CNTNAP2: variants seen among roughly 807,000 people sequenced by gnomAD.
The protein encoded by CNTNAP2 is contactin-associated protein-like 2.
Under a neutral mutation model 155.2 loss-of-function variants are expected in CNTNAP2, and 98 were observed. The observed-to-expected ratio is 0.63, with a 90% confidence interval of 0.54 to 0.75. The LOEUF is 0.75. Ranked by LOEUF, CNTNAP2 falls within the 30% of genes least tolerant of loss-of-function variation. The pLI is 0.00. For missense variants in CNTNAP2, 1,727 were observed against 1,688.1 expected (o/e 1.02, Z -0.40); for synonymous variants, 651 against 631.2 (o/e 1.03, Z -0.47).
At chr7:147,422,460 C>T (rs1797311335) in intron 10 of CNTNAP2, among the ~76,000 whole-genome samples, 1 of 151,276 alleles carries the variant, frequency 6.6e-6, no homozygotes, top group Non-Finnish European at 1.5e-5. Flanking sequence ...ATTTAAATTC[C>T]CTTATGCAAT....
chr7:147,678,079 C>G (rs149761871), intron 13 of CNTNAP2, among the ~76,000 whole-genome samples: 2,488 of 151,834 alleles, frequency 0.016, 219 homozygotes, highest in Admixed American at 0.15. Context: ...AATTGATAAC[C>G]TAAACTTGAT....
At chr7:147,070,911 T>A (rs985676736) in intron 4 of CNTNAP2, among the ~76,000 whole-genome samples, 2 of 152,140 alleles carry the variant, frequency 1.3e-5, no homozygotes, top group African/African-American at 4.8e-5. Context: ...AAAAGAAGCA[T>A]AATTAAAGGA....
chr7:146,793,100 T>G (rs1229087736), intron 2 of CNTNAP2, among the ~76,000 whole-genome samples: 1 of 152,202 alleles, frequency 6.6e-6, no homozygotes, highest in Non-Finnish European at 1.5e-5. Context: ...TTTGCTACTT[T>G]ACATTTTTCA....
intron 12 of CNTNAP2, among the ~76,000 whole-genome samples, chr7:147,563,352 C>T (rs920798463): frequency 1.3e-5 from 2 of 151,812 alleles, no homozygotes; most frequent in South Asian, 4.2e-4. Flanking sequence ...CATATTAGAC[C>T]AGGTGTGGTG....
intron 21 of CNTNAP2, among the ~76,000 whole-genome samples, chr7:148,368,955 G>A (rs1450894156): frequency 6.6e-6 from 1 of 152,058 alleles, no homozygotes; most frequent in Non-Finnish European, 1.5e-5. Flanking sequence ...TTTCGGGTCT[G>A]GTTCCTAGGC....
intron 10 of CNTNAP2, among the ~76,000 whole-genome samples, 181 bp from the exon 11 acceptor site, chr7:147,485,752 CTT>C (rs1289138741): frequency 6.6e-6 from 1 of 152,164 alleles, no homozygotes; most frequent in East Asian, 1.9e-4. Context: ...GATACATCAT[CTT>C]TGTTGCGCTT....
intron 1 of CNTNAP2, among the ~76,000 whole-genome samples, chr7:146,762,500 G>A (rs1038357251): frequency 6.6e-6 from 1 of 152,216 alleles, no homozygotes; most frequent in Non-Finnish European, 1.5e-5. Flanking sequence ...TTGGGAGGCT[G>A]AGGCAGGAGA....
In CNTNAP2 at chr7:146,308,840, C is replaced by A. The variant is rs59766839; in HGVS notation, c.97+191867C>A. Reference sequence around the variant, plus strand: ...CGGGGCCTGTTGTAGGGTGGGGAGACGGGGGAGGGATAGCATTAGGAGATA... The same window carrying A: ...CGGGGCCTGTTGTAGGGTGGGGAGAAGGGGGAGGGATAGCATTAGGAGATA... On this transcript the variant is annotated intron_variant, in intron 1 of 23. Coordinates refer to ENST00000361727, the MANE Select transcript of CNTNAP2 (RefSeq NM_014141.6). 1.3e-4 allele frequency among the ~76,000 whole-genome samples: 20 copies of A among 151,650 alleles called. No homozygotes were observed. The Middle Eastern group carries it at 0.014, about 103-fold the overall frequency.
chr7:147,336,267 T>C (rs1286886265), intron 9 of CNTNAP2, among the ~76,000 whole-genome samples: 1 of 152,190 alleles, frequency 6.6e-6, no homozygotes, highest in Non-Finnish European at 1.5e-5. Flanking sequence ...GTTGCCATTG[T>C]TGTTTTTAGG....
intron 1 of CNTNAP2, among the ~76,000 whole-genome samples, chr7:146,748,411 C>A (rs564558771): frequency 6.6e-6 from 1 of 152,060 alleles, no homozygotes; most frequent in Non-Finnish European, 1.5e-5. Flanking sequence ...TCCCAAAGTG[C>A]TGGGATTACA....
chr7:147,648,980 C>G (rs1795409500), intron 13 of CNTNAP2, among the ~76,000 whole-genome samples: 1 of 152,192 alleles, frequency 6.6e-6, no homozygotes, highest in Non-Finnish European at 1.5e-5. Flanking sequence ...TCTCTTCAAC[C>G]ACTATGAAAG....
chr7:147,160,600 C>T (rs978982233), intron 8 of CNTNAP2, among the ~76,000 whole-genome samples: 3 of 151,964 alleles, frequency 2.0e-5, no homozygotes, highest in Admixed American at 2.0e-4. Context: ...ATTTCAAACC[C>T]TAATAGAGTT....
intron 11 of CNTNAP2, among the ~76,000 whole-genome samples, chr7:147,532,614 T>C (rs1027610968): frequency 3.3e-5 from 5 of 152,198 alleles, no homozygotes; most frequent in Admixed American, 1.3e-4. Flanking sequence ...ATTAGTCTGT[T>C]TTCATGCTGC....
intron 2 of CNTNAP2, among the ~76,000 whole-genome samples, chr7:146,802,739 T>A (rs992672927): frequency 4.6e-5 from 7 of 152,186 alleles, no homozygotes; most frequent in African/African-American, 1.7e-4. Flanking sequence ...ACCTCTTTTC[T>A]TCATAAATTA....
intron 15 of CNTNAP2, among the ~76,000 whole-genome samples, chr7:148,048,902 T>C (rs1802828328): frequency 6.6e-6 from 1 of 151,970 alleles, no homozygotes; most frequent in Admixed American, 6.6e-5. Context: ...AACATATCAG[T>C]AAGGTAATAG....
intron 15 of CNTNAP2, among the ~76,000 whole-genome samples, chr7:148,079,511 A>G (rs552034833): frequency 5.9e-5 from 9 of 152,278 alleles, no homozygotes; most frequent in African/African-American, 1.9e-4. Context: ...TAGATTGTAA[A>G]TGTTTCTTAT....
At chr7:147,753,660 A>G (rs1797173108) in intron 13 of CNTNAP2, among the ~76,000 whole-genome samples, 1 of 152,196 alleles carries the variant, frequency 6.6e-6, no homozygotes, top group Admixed American at 6.5e-5. Flanking sequence ...TAATTCGGTA[A>G]TGGGGACAAG....
At chr7:147,382,719 C>T (rs532636872) in intron 9 of CNTNAP2, among the ~76,000 whole-genome samples, 1 of 152,166 alleles carries the variant, frequency 6.6e-6, no homozygotes, top group South Asian at 2.1e-4. Context: ...GCCAAGAAAA[C>T]AGAAGTAGCC....
Position 147,335,732 on chromosome 7 carries a change from A to G in CNTNAP2, c.1498+35442A>G, listed in dbSNP as rs113263693. Among the ~76,000 whole-genome samples, 256 of 152,272 alleles carry G rather than the reference A, an allele frequency of 1.7e-3. 3 individuals carry two copies. Among genetic ancestry groups the G allele is most frequent in the African/African-American group, 5.9e-3 (245 of 41,556 alleles). On this transcript the variant is annotated intron_variant, in intron 9 of 23. Coordinates refer to ENST00000361727, the MANE Select transcript of CNTNAP2 (RefSeq NM_014141.6). ...CTTATTTTTCTTAGAAATCAAACCC[A>G]TCCTCTCTATTGTGTCATAATATTT...
Sources: allele counts gnomAD v4.1 joint callset (sites outside exome capture counted in the v4.1 genomes callset), GRCh38; gene constraint gnomAD v4.1.1; transcripts MANE v1.5; gene names NCBI Gene and HGNC (gene_info 2026-07-23, HGNC 2026-07-21).